ATF7: variants seen among roughly 807,000 people sequenced by gnomAD.
ATF7 encodes cyclic AMP-dependent transcription factor ATF-7.
ATF7 carries 10 observed loss-of-function variants against 50.4 expected under a neutral mutation model. The ratio of observed to expected loss-of-function variants is 0.20; its 90% CI spans 0.12 to 0.34. The LOEUF is 0.34. Among genes scored for constraint, ATF7 ranks in the 10% least tolerant of loss-of-function variants. The pLI is 1.00. For synonymous variants in ATF7, 201 were observed against 226.4 expected (o/e 0.89, Z 1.01); for missense variants, 465 against 613.9 (o/e 0.76, Z 2.56).
intron 2 of ATF7, among the ~76,000 whole-genome samples, chr12:53,562,745 G>A (rs1480518781): frequency 2.6e-5 from 4 of 151,918 alleles, no homozygotes; most frequent in Non-Finnish European, 4.4e-5. Flanking sequence ...TTTTTCCTAC[G>A]GAACCAGAGG....
intron 1 of ATF7, among the ~76,000 whole-genome samples, chr12:53,621,492 C>T (rs992208738): frequency 2.0e-5 from 3 of 151,994 alleles, no homozygotes; most frequent in African/African-American, 4.8e-5. Context: ...GTCAAAAAAT[C>T]AACTACATGG....
In ATF7 at chr12:53,589,463, T is replaced by C. The variant is rs1168448900; in HGVS notation, c.48+11490A>G. On this transcript the variant is annotated intron_variant, in intron 2 of 11. Transcript: ENST00000420353. ...ATGCTTTCTGGATGGAAAGATCATT[T>C]TCCTGTACCTTATATAAACACATTT... 2.0e-5 allele frequency among the ~76,000 whole-genome samples: 3 copies of C among 152,210 alleles called. No individual in the cohort carries two copies. In the East Asian group the frequency reaches 5.8e-4, roughly 29 times the overall value.
At chr12:53,534,219 G>A (rs984014248) in intron 6 of ATF7, among the ~76,000 whole-genome samples, 3 of 152,174 alleles carry the variant, frequency 2.0e-5, no homozygotes, top group African/African-American at 7.2e-5. Context: ...GGAGCTTGCA[G>A]TGAGCCGAGA....
chr12:53,610,097 G>A (rs192323733), intron 1 of ATF7, among the ~76,000 whole-genome samples: 2 of 152,098 alleles, frequency 1.3e-5, no homozygotes, highest in Admixed American at 6.5e-5. Flanking sequence ...GATTACAGGC[G>A]TGAGCCACCG....
At chr12:53,617,383 T>C (rs1475038544) in intron 1 of ATF7, among the ~76,000 whole-genome samples, 2 of 152,158 alleles carry the variant, frequency 1.3e-5, no homozygotes, top group Non-Finnish European at 2.9e-5. Flanking sequence ...ATCCCAGCAC[T>C]TGGGGAGGTC....
chr12:53,518,656 C>T (rs561174709), intron 11 of ATF7, among the ~76,000 whole-genome samples: 153 of 152,286 alleles, frequency 1.0e-3, no homozygotes, highest in Non-Finnish European at 1.9e-3. Context: ...CGGATAGCCT[C>T]TATGGCTGCT....
chr12:53,606,736 CCA>C, intron 1 of ATF7, among the ~76,000 whole-genome samples: 1 of 132,840 alleles, frequency 7.5e-6, no homozygotes, highest in Admixed American at 8.5e-5. Context: ...ACAACAGTCC[CCA>C]GTGTGTGATG....
rs1324096564 is a variant in ATF7 at position 53,524,626 on chromosome 12, G to C, written c.1063C>G (p.Leu355Val). The stretch of plus-strand genomic sequence containing the variant: ...TTCTTCTCTAGGGAGGACACCCACA[G>C]CTTTCGCTTTTGGCGGCAGCGGGAG... ...AASRCRQKRK[L>V]WVSSLEKKAE... is the part of the protein sequence containing the mutation. Residue 355 changes from leucine to valine, a missense_variant, in exon 10 of 12, where the codon CTG (leucine) becomes GTG (valine). Coordinates refer to ENST00000420353, the MANE Select transcript of ATF7 (RefSeq NM_006856.3). This position sits in a 1 kb window ranked among gnomAD's most constrained non-coding sequence, Gnocchi z 4.6. 1 of 1,613,858 alleles carries C rather than the reference G, an allele frequency of 6.2e-7. No individual in the cohort carries two copies. The highest frequency in any genetic ancestry group is 8.5e-7 in the Non-Finnish European group (1 of 1,179,906).
At chr12:53,554,008 C>T (rs1008700247) in intron 2 of ATF7, among the ~76,000 whole-genome samples, 1 of 152,348 alleles carries the variant, frequency 6.6e-6, no homozygotes, top group Non-Finnish European at 1.5e-5. Context: ...GTCGCGATGG[C>T]TCATGCCTGT....
intron 1 of ATF7, among the ~76,000 whole-genome samples, chr12:53,616,168 C>T (rs1213319983): frequency 6.6e-6 from 1 of 152,114 alleles, no homozygotes; most frequent in African/African-American, 2.4e-5. Context: ...CCACAGATGT[C>T]CATGCCACAA....
intron 2 of ATF7, among the ~76,000 whole-genome samples, chr12:53,598,793 CT>C (rs1452149461): frequency 6.6e-6 from 1 of 152,106 alleles, no homozygotes; most frequent in African/African-American, 2.4e-5. Context: ...TCTATTTTTA[CT>C]TCTTTGCAAA....
At chr12:53,604,689 T>C (rs1162946796) in intron 1 of ATF7, among the ~76,000 whole-genome samples, 1 of 152,196 alleles carries the variant, frequency 6.6e-6, no homozygotes, top group Non-Finnish European at 1.5e-5. Context: ...GGGCCTGTTA[T>C]CAGGTTCCTA....
chr12:53,625,191 A>G (rs1944554648), intron 1 of ATF7, among the ~76,000 whole-genome samples: 1 of 152,208 alleles, frequency 6.6e-6, no homozygotes, highest in African/African-American at 2.4e-5. Flanking sequence ...AGCAATTCAG[A>G]GCAACATATT....
At chr12:53,622,924 GA>G (rs1484687721) in intron 1 of ATF7, among the ~76,000 whole-genome samples, 4 of 152,232 alleles carry the variant, frequency 2.6e-5, no homozygotes, top group Admixed American at 6.5e-5. Flanking sequence ...GCTAGGACTA[GA>G]AGATAACTTT....
At chr12:53,568,097 A>G (rs1941546662) in intron 2 of ATF7, among the ~76,000 whole-genome samples, 1 of 152,240 alleles carries the variant, frequency 6.6e-6, no homozygotes, top group African/African-American at 2.4e-5. Context: ...AGCTGCTGAA[A>G]ATTTCACTGT....
At chr12:53,543,217 T>C in intron 4 of ATF7, 113 bp downstream of exon 4, 1 of 1,550,012 alleles carries the variant, frequency 6.5e-7, no homozygotes, top group Non-Finnish European at 8.7e-7. Context: ...GGTTTTACTC[T>C]ACTAAGCCCA....
intron 2 of ATF7, among the ~76,000 whole-genome samples, chr12:53,556,674 ATTAAGAG>A (rs942651740): frequency 5.3e-5 from 8 of 152,226 alleles, no homozygotes; most frequent in African/African-American, 1.4e-4. Flanking sequence ...TCTCTCACTT[ATTAAGAG>A]TTAACACTTC....
At chr12:53,616,740 C>G (rs372673281) in intron 1 of ATF7, among the ~76,000 whole-genome samples, 1 of 151,048 alleles carries the variant, frequency 6.6e-6, no homozygotes, top group Admixed American at 6.6e-5. Context: ...CTCAGGAGTT[C>G]GAGACCAGCC....
chr12:53,524,742 G>A lies in ATF7; in HGVS notation c.947C>T (p.Thr316Ile). The A allele has an allele frequency of 2.5e-6, 4 of 1,609,312 alleles. No individual in the cohort carries two copies. The highest frequency in any genetic ancestry group is 1.1e-5 in the South Asian group (1 of 90,758). ...CCGCCGTCGCCCCCCAGTACTAGGG[G>A]TGGGCTGAGCTGGTGAGACCTGGTG... is the stretch of plus-strand genomic sequence containing the variant. ...AQPQVSPAQP[T>I]PSTGGRRRRT... Residue 316 changes from threonine to isoleucine, a missense_variant, in exon 10 of 12, where the codon ACC becomes ATC. Coordinates refer to ENST00000420353, the MANE Select transcript of ATF7 (RefSeq NM_006856.3). The surrounding 1 kb of genome is among the most constrained non-coding windows in gnomAD (Gnocchi z 4.6).
Sources: gnomAD v4.1 joint callset for allele counts (sites outside exome capture counted in the v4.1 genomes callset) on GRCh38, gnomAD v4.1.1 for gene constraint, Gnocchi (gnomAD v3.1) non-coding constraint, MANE v1.5 for transcripts, NCBI Gene and HGNC (gene_info 2026-07-23, HGNC 2026-07-21) for gene names.